The following SLA variants were observed in gnomAD, a reference collection of about 807,000 sequenced individuals.
SLA encodes src-like-adapter.
In SLA, 16 loss-of-function variants were observed where a neutral mutation model predicts 30.3. That is an observed-to-expected ratio of 0.53 (90% confidence interval 0.36 to 0.80). The LOEUF (loss-of-function observed/expected upper bound fraction) is 0.80, where lower values mean the gene tolerates loss of function less well. SLA is among the 30% of genes least tolerant of loss of function. The pLI is 0.01. For missense variants in SLA, 310 were observed against 345.2 expected, an observed-to-expected ratio of 0.90 and a Z score of 0.81; for synonymous variants, 143 against 137.8, an observed-to-expected ratio of 1.04 and a Z score of -0.26.
chr8:133,082,732 G>T (rs7830370), intron 1 of SLA, among the ~76,000 whole-genome samples: 4,325 of 152,206 alleles, frequency 0.028, 183 homozygotes, highest in African/African-American at 0.098. Context: ...ACAAAATGAC[G>T]GTAGGATCTG....
intron 2 of SLA, among the ~76,000 whole-genome samples, chr8:133,061,672 A>G (rs1842386507): frequency 6.6e-6 from 1 of 152,210 alleles, no homozygotes; most frequent in Non-Finnish European, 1.5e-5. Context: ...CTCCAGCCCA[A>G]ATGGAAACTA....
chr8:133,084,546 G>A (rs1370887887), intron 1 of SLA, among the ~76,000 whole-genome samples: 1 of 152,216 alleles, frequency 6.6e-6, no homozygotes, highest in Non-Finnish European at 1.5e-5. Context: ...CAAGTGCCAA[G>A]CATTTAAATG....
intron 6 of SLA, chr8:133,047,195 A>G (rs1839580368): frequency 6.6e-6 from 1 of 152,258 alleles, no homozygotes; most frequent in African/African-American, 2.4e-5. Flanking sequence ...CATGACAAAG[A>G]GCTCACTCTA....
rs58129311 is a variant in SLA at position 133,096,181 on chromosome 8, C to G, written c.-319+6372G>C. On this transcript the variant is annotated intron_variant, in intron 1 of 8. Transcript: ENST00000338087. ...AGTGCAACTGATTATTCCAGGACAA[C>G]TGATTATTGTTGCATCCAATGCAGC... 0.013 allele frequency: 21,002 copies of G among 1,613,892 alleles called. 2,145 individuals are homozygous for G. The African/African-American group carries it at 0.23, about 18-fold the overall frequency.
intron 6 of SLA, 91 bp from the exon 7 acceptor site, chr8:133,045,206 A>T (rs1202252693): frequency 3.3e-5 from 44 of 1,346,686 alleles, no homozygotes; most frequent in Non-Finnish European, 2.1e-5. Flanking sequence ...AGGCAGGGAG[A>T]CCTGCCCACC....
At chr8:133,073,966 C>T (rs900938965) in intron 2 of SLA, among the ~76,000 whole-genome samples, 2 of 152,146 alleles carry the variant, frequency 1.3e-5, no homozygotes, top group Non-Finnish European at 2.9e-5. Context: ...CCCAGCCACT[C>T]GGGATGGTGG....
chr8:133,093,197 A>G (rs1349959061), intron 1 of SLA, among the ~76,000 whole-genome samples: 2 of 150,546 alleles, frequency 1.3e-5, no homozygotes, highest in Admixed American at 1.3e-4. Flanking sequence ...TGCCCTGCTC[A>G]TTGTTGGAAA....
intron 2 of SLA, chr8:133,060,409 A>C: frequency 2.0e-6 from 3 of 1,503,482 alleles, no homozygotes. Context: ...GAAAAACCAC[A>C]GAGAGGGAAG....
At chr8:133,081,729 T>C (rs540182887) in intron 1 of SLA, among the ~76,000 whole-genome samples, 1 of 152,334 alleles carries the variant, frequency 6.6e-6, no homozygotes, top group East Asian at 1.9e-4. Context: ...GATCTTACTG[T>C]TCTCAGCCAT....
In SLA at chr8:133,060,366, C is replaced by T. The variant is rs977688550; in HGVS notation, c.-40-166G>A. Reference sequence around the variant, plus strand: ...GATTGGTGAAGATTGGTTACTTTTGCGCAGCTCAAGTTCTTTTATCAAGGG... The same window carrying T: ...GATTGGTGAAGATTGGTTACTTTTGTGCAGCTCAAGTTCTTTTATCAAGGG... On this transcript the variant is annotated intron_variant, in intron 2 of 8. Transcript: ENST00000338087. The T allele has an allele frequency of 1.4e-5, 22 of 1,537,132 alleles. No homozygotes were observed. The African/African-American group carries it at 1.5e-4, about 11-fold the overall frequency.
intron 1 of SLA, among the ~76,000 whole-genome samples, chr8:133,101,395 T>C (rs1021527395): frequency 3.3e-5 from 5 of 152,208 alleles, no homozygotes; most frequent in Non-Finnish European, 7.3e-5. Flanking sequence ...TGCATTTCTC[T>C]GTTTGCCCCA....
intron 1 of SLA, chr8:133,096,432 C>T: frequency 6.3e-7 from 1 of 1,596,078 alleles, no homozygotes; most frequent in South Asian, 1.1e-5. Context: ...GGCTCTGGAC[C>T]TCAATGTCTG....
At chr8:133,049,472 A>G (rs535125464) in intron 5 of SLA, 70 of 289,596 alleles carry the variant, frequency 2.4e-4, no homozygotes, top group African/African-American at 1.2e-3. Context: ...CTGTCGTTCT[A>G]TGTTATGATC....
chr8:133,082,903 C>T (rs1471650212), intron 1 of SLA, among the ~76,000 whole-genome samples: 2 of 152,120 alleles, frequency 1.3e-5, no homozygotes, highest in African/African-American at 4.8e-5. Context: ...CGAAACTAGC[C>T]TCGATGTAAT....
chr8:133,038,364 T>C lies in SLA; in HGVS notation c.*160A>G. ...GGGAGGGGTTCCTTTGGTCATGATG[T>C]GGATAGAGAAGATGCGAATTTGAGT... On this transcript the variant is annotated 3_prime_UTR_variant, in exon 9 of 9. Transcript: ENST00000338087. 1.6e-6 allele frequency: 1 copy of C among 631,400 alleles called. No individual in the cohort carries two copies. The highest frequency in any genetic ancestry group is 2.8e-6 in the Non-Finnish European group (1 of 354,404). The allele number at this position is 631,400 out of a possible 1,614,324, so 39.1% of individuals were successfully genotyped here. A position where few individuals can be genotyped will look rare whatever the true frequency, so the allele number is the denominator to read the frequency against.
chr8:133,051,752 A>G (rs577345072), intron 3 of SLA, among the ~76,000 whole-genome samples: 2 of 152,330 alleles, frequency 1.3e-5, no homozygotes, highest in East Asian at 3.9e-4. Flanking sequence ...GATGCATTAG[A>G]TGCAGGGTAA....
intron 1 of SLA, among the ~76,000 whole-genome samples, chr8:133,080,076 A>G (rs965610002): frequency 1.3e-5 from 2 of 152,162 alleles, no homozygotes; most frequent in African/African-American, 4.8e-5. Context: ...AACTGAAGGC[A>G]TGGGGACAGT....
intron 1 of SLA, chr8:133,095,035 C>T (rs142476625): frequency 6.2e-7 from 1 of 1,613,226 alleles, no homozygotes; most frequent in South Asian, 1.1e-5. Context: ...AGCCTGCTTT[C>T]TCTTCCAGGG....
intron 2 of SLA, among the ~76,000 whole-genome samples, chr8:133,066,876 G>C (rs1231048983): frequency 6.6e-6 from 1 of 152,192 alleles, no homozygotes; most frequent in African/African-American, 2.4e-5. Flanking sequence ...TGCAGGGGCT[G>C]GGGGGTTGGC....
Sources: gnomAD v4.1 joint callset for allele counts (sites outside exome capture counted in the v4.1 genomes callset) on GRCh38, gnomAD v4.1.1 for gene constraint, MANE v1.5 for transcripts, NCBI Gene and HGNC (gene_info 2026-07-23, HGNC 2026-07-21) for gene names.